CCDC141: variants seen among roughly 807,000 people sequenced by gnomAD.
CCDC141 encodes the protein coiled-coil domain containing 141.
In CCDC141, 168 loss-of-function variants were observed where a neutral mutation model predicts 181.0. The observed-to-expected ratio is 0.93, with a 90% CI of 0.82 to 1.05. CCDC141 has a LOEUF of 1.05. Among genes scored for constraint, CCDC141 ranks in the 50% least tolerant of loss-of-function variants. CCDC141 has a pLI of 0.00. For missense variants in CCDC141, 1,902 were observed against 1,788.5 expected, an observed-to-expected ratio of 1.06 and a Z score of -1.14; for synonymous variants, 666 against 642.3, an observed-to-expected ratio of 1.04 and a Z score of -0.56.
chr2:178,825,330 A>T (rs568912578), downstream of CCDC141: 7 of 152,296 alleles, frequency 4.6e-5, no homozygotes, highest in East Asian at 1.3e-3. Context: ...AGCTACATTC[A>T]TTCCTGCAGC....
chr2:178,831,803 T>C lies in CCDC141; in HGVS notation c.*2370A>G, dbSNP rs1373816127. The C allele has an allele frequency of 1.3e-5, 2 of 152,208 alleles. No homozygotes were observed. The highest frequency in any genetic ancestry group is 1.9e-4 in the East Asian group (1 of 5,190). The allele number at this position is 152,208 out of a possible 1,614,324, so 9.4% of individuals were successfully genotyped here. A position where few individuals can be genotyped will look rare whatever the true frequency, so the allele number is the denominator to read the frequency against. On this transcript the variant is annotated 3_prime_UTR_variant, in exon 24 of 24. Coordinates refer to ENST00000443758, the MANE Select transcript of CCDC141 (RefSeq NM_173648.4). ...AGATGGATAGGTACACAGAAAGCTA[T>C]CTGTACTATATCTTGAATATCAGCA...
At chr2:178,944,263 G>A (rs915892989) in intron 6 of CCDC141, among the ~76,000 whole-genome samples, 1 of 152,124 alleles carries the variant, frequency 6.6e-6, no homozygotes, top group Non-Finnish European at 1.5e-5. Context: ...TTAGATAATG[G>A]ATCTCATATA....
At chr2:178,999,814 C>G (rs552462814) in intron 2 of CCDC141, among the ~76,000 whole-genome samples, 31 of 152,168 alleles carry the variant, frequency 2.0e-4, no homozygotes, top group African/African-American at 7.2e-4. Flanking sequence ...TCCTTCGCAA[C>G]ACTATTCAGA....
rs193092135 is a variant in CCDC141 at position 178,879,536 on chromosome 2, G to C, written c.1720-1393C>G. On this transcript the variant is annotated intron_variant, in intron 11 of 23. Transcript: ENST00000443758. ...TTCTCTTATTTATCCTTCATGAGCA[G>C]TTAAAATGCTACTTCCTCCATGGAG... 8.0e-4 allele frequency among the ~76,000 whole-genome samples: 122 copies of C among 152,208 alleles called. No homozygotes were observed. The East Asian group carries it at 0.021, about 26-fold the overall frequency.
chr2:178,930,242 TAAATTTAATC>T (rs1689051330), intron 6 of CCDC141, among the ~76,000 whole-genome samples: 2 of 152,152 alleles, frequency 1.3e-5, no homozygotes, highest in African/African-American at 4.8e-5. Context: ...TACCTAGGAA[TAAATTTAATC>T]AAGGAGATGG....
chr2:178,973,419 A>T (rs1690986444), intron 4 of CCDC141, among the ~76,000 whole-genome samples: 1 of 152,204 alleles, frequency 6.6e-6, no homozygotes, highest in Admixed American at 6.5e-5. Flanking sequence ...TAGCATTTTT[A>T]TCCATCTCTT....
intron 4 of CCDC141, among the ~76,000 whole-genome samples, chr2:178,966,449 G>A (rs983885009): frequency 6.6e-6 from 1 of 152,166 alleles, no homozygotes; most frequent in Non-Finnish European, 1.5e-5. Context: ...CTGTTCTGCA[G>A]CCTCCACTGG....
At chr2:178,941,933 T>C (rs1689531934) in intron 6 of CCDC141, among the ~76,000 whole-genome samples, 1 of 117,270 alleles carries the variant, frequency 8.5e-6, no homozygotes, top group Non-Finnish European at 1.6e-5. Context: ...TGCTCCAGCC[T>C]GAGTGACAGA....
intron 8 of CCDC141, among the ~76,000 whole-genome samples, chr2:178,893,952 A>G (rs1304316613): frequency 6.6e-6 from 1 of 152,144 alleles, no homozygotes; most frequent in Non-Finnish European, 1.5e-5. Flanking sequence ...AGATGGCTAG[A>G]AGTTCCATTT....
chr2:178,926,923 CACTTT>C (rs1401173423), intron 6 of CCDC141, among the ~76,000 whole-genome samples: 1 of 152,106 alleles, frequency 6.6e-6, no homozygotes, highest in Non-Finnish European at 1.5e-5. Context: ...TATTATGTGT[CACTTT>C]AAAGAAAAAA....
At chr2:178,919,124 C>A (rs1688580352) in intron 6 of CCDC141, among the ~76,000 whole-genome samples, 1 of 152,058 alleles carries the variant, frequency 6.6e-6, no homozygotes, top group Admixed American at 6.6e-5. Context: ...AGTCTGCAAC[C>A]CAGAAGAGGG....
chr2:178,877,770 A>G (rs1353163531), intron 12 of CCDC141, 194 bp downstream of exon 12: 2 of 641,324 alleles, frequency 3.1e-6, no homozygotes, highest in Non-Finnish European at 5.5e-6. Flanking sequence ...CCTTCCTGTT[A>G]TAAACTAACC....
chr2:178,847,444 T>C (rs1254654365), intron 21 of CCDC141, among the ~76,000 whole-genome samples: 2 of 152,090 alleles, frequency 1.3e-5, no homozygotes, highest in Non-Finnish European at 2.9e-5. Context: ...GGTTGGAGGA[T>C]TGCTTGAGCC....
intron 12 of CCDC141, chr2:178,873,304 T>A (rs1165657223): frequency 2.8e-5 from 4 of 143,276 alleles, no homozygotes; most frequent in South Asian, 2.2e-4. Flanking sequence ...TCCAAAAAAA[T>A]ATATATCTGT....
At chr2:178,927,469 A>G (rs894997833) in intron 6 of CCDC141, among the ~76,000 whole-genome samples, 1 of 152,014 alleles carries the variant, frequency 6.6e-6, no homozygotes, top group Non-Finnish European at 1.5e-5. Context: ...CTGGGGAGAG[A>G]GCAAGGATGA....
chr2:178,942,817 C>T (rs1451055474), intron 6 of CCDC141, among the ~76,000 whole-genome samples: 1 of 152,140 alleles, frequency 6.6e-6, no homozygotes, highest in Non-Finnish European at 1.5e-5. Context: ...GAACTTAAAA[C>T]TGCTCTAAAA....
chr2:179,049,557 G>A (rs544628177), intron 1 of CCDC141, among the ~76,000 whole-genome samples: 2 of 151,440 alleles, frequency 1.3e-5, no homozygotes, highest in Non-Finnish European at 2.9e-5. Flanking sequence ...GTATATGCTA[G>A]AGGTTTTCTT....
intron 6 of CCDC141, among the ~76,000 whole-genome samples, chr2:178,921,861 T>C (rs1160050529): frequency 1.3e-5 from 2 of 152,350 alleles, no homozygotes; most frequent in East Asian, 3.9e-4. Flanking sequence ...CTTTGTACCA[T>C]CCTTTCTTCT....
intron 17 of CCDC141, among the ~76,000 whole-genome samples, chr2:178,864,532 A>G (rs1685762227): frequency 6.6e-6 from 1 of 152,204 alleles, no homozygotes; most frequent in Non-Finnish European, 1.5e-5. Context: ...CTGAAACTCT[A>G]CAGTCCTGTA....
Sources: allele counts gnomAD v4.1 joint callset (sites outside exome capture counted in the v4.1 genomes callset), GRCh38; gene constraint gnomAD v4.1.1; transcripts MANE v1.5; gene names NCBI Gene and HGNC (gene_info 2026-07-23, HGNC 2026-07-21).